PTPRT: variants seen among roughly 807,000 people sequenced by gnomAD.
PTPRT encodes the protein protein tyrosine phosphatase receptor type T.
Under a neutral mutation model 176.8 loss-of-function variants are expected in PTPRT, and 56 were observed. The observed-to-expected ratio is 0.32, with a 90% confidence interval of 0.26 to 0.40. The LOEUF (loss-of-function observed/expected upper bound fraction) is 0.40, where lower values mean the gene tolerates loss of function less well. Among genes scored for constraint, PTPRT ranks in the 10% least tolerant of loss-of-function variants. The pLI is 1.00. For missense variants in PTPRT, 1,540 were observed against 1,908.2 expected (o/e 0.81, Z 3.60); for synonymous variants, 783 against 739.0 (o/e 1.06, Z -0.96).
At chr20:42,583,516 G>A (rs1373555722) in intron 7 of PTPRT, among the ~76,000 whole-genome samples, 1 of 152,112 alleles carries the variant, frequency 6.6e-6, no homozygotes, top group Non-Finnish European at 1.5e-5. Context: ...ACCTTCCACT[G>A]TCATGGCTGA....
intron 9 of PTPRT, among the ~76,000 whole-genome samples, chr20:42,445,800 C>T (rs1047756059): frequency 1.4e-4 from 21 of 152,272 alleles, no homozygotes; most frequent in African/African-American, 4.6e-4. Context: ...TCTGAAAATC[C>T]ACAAGGCATC....
At chr20:42,097,367 C>T (rs965240523) in intron 27 of PTPRT, among the ~76,000 whole-genome samples, 1 of 152,230 alleles carries the variant, frequency 6.6e-6, no homozygotes, top group African/African-American at 2.4e-5. Flanking sequence ...CCTGCCTCGC[C>T]TTTGCCTCTG....
At chr20:42,628,124 T>G (rs2074330249) in intron 7 of PTPRT, among the ~76,000 whole-genome samples, 1 of 151,900 alleles carries the variant, frequency 6.6e-6, no homozygotes, top group Admixed American at 6.6e-5. Context: ...CAAATGGGAG[T>G]GCAGTGGAGT....
chr20:42,376,925 G>C (rs2058656018), intron 9 of PTPRT, among the ~76,000 whole-genome samples: 1 of 152,112 alleles, frequency 6.6e-6, no homozygotes, highest in Admixed American at 6.5e-5. Context: ...TGCCAGCTGT[G>C]GAATTAAACC....
At chr20:42,395,982 G>A (rs917943691) in intron 9 of PTPRT, among the ~76,000 whole-genome samples, 33 of 152,006 alleles carry the variant, frequency 2.2e-4, no homozygotes, top group African/African-American at 6.8e-4. Flanking sequence ...TGCAAAGCTC[G>A]TGCATAGGCT....
chr20:42,950,227 C>T (rs1981154774), intron 1 of PTPRT, among the ~76,000 whole-genome samples: 1 of 152,200 alleles, frequency 6.6e-6, no homozygotes. Context: ...CTCCCCACGC[C>T]TTCTCACAGA....
intron 16 of PTPRT, among the ~76,000 whole-genome samples, chr20:42,184,518 C>CCTCCTTCTTCTTCTT (rs1555797922): frequency 2.0e-3 from 111 of 54,482 alleles, no homozygotes; most frequent in Non-Finnish European, 3.0e-3. Context: ...TCCTCCTCCT[C>CCTCCTTCTTCTTCTT]CTTCTTCTTC....
intron 7 of PTPRT, among the ~76,000 whole-genome samples, chr20:42,559,750 C>G (rs2072919629): frequency 6.6e-6 from 1 of 152,204 alleles, no homozygotes; most frequent in Non-Finnish European, 1.5e-5. Flanking sequence ...GCTGAAATAA[C>G]CATAATGCAA....
chr20:42,662,550 CATT>C (rs2146006443), intron 7 of PTPRT, among the ~76,000 whole-genome samples: 1 of 152,238 alleles, frequency 6.6e-6, no homozygotes, highest in Non-Finnish European at 1.5e-5. Context: ...TATTAGCCAT[CATT>C]AATATTAATG....
intron 6 of PTPRT, among the ~76,000 whole-genome samples, chr20:42,686,477 TTTTTTTTTTTTTTTTTTTTTTTTTG>T (rs2075694978): frequency 2.4e-5 from 1 of 41,544 alleles, no homozygotes; most frequent in African/African-American, 1.0e-4. Context: ...TTTTTTTTTT[TTTTTTTTTTTTTTTTTTTTTTTTTG>T]AGACAGAGTC....
intron 11 of PTPRT, among the ~76,000 whole-genome samples, chr20:42,332,311 G>A (rs6102781): frequency 0.34 from 52,102 of 151,736 alleles, 10,203 homozygotes; most frequent in African/African-American, 0.55. Context: ...CTGGGTTCAC[G>A]CCATTCTCCT....
At chr20:42,278,630 C>T (rs1201786460) in intron 13 of PTPRT, among the ~76,000 whole-genome samples, 1 of 152,096 alleles carries the variant, frequency 6.6e-6, no homozygotes, top group Non-Finnish European at 1.5e-5. Flanking sequence ...CAAAGGGGGA[C>T]TGAACAATAT....
chr20:42,497,723 G>A (rs2071680410), intron 7 of PTPRT, among the ~76,000 whole-genome samples: 1 of 152,038 alleles, frequency 6.6e-6, no homozygotes, highest in South Asian at 2.1e-4. Context: ...TTACTCCAAT[G>A]ATATTAGAGT....
intron 7 of PTPRT, among the ~76,000 whole-genome samples, chr20:42,653,975 A>C (rs1447145247): frequency 6.6e-6 from 1 of 152,174 alleles, no homozygotes; most frequent in Non-Finnish European, 1.5e-5. Flanking sequence ...AGGCCGTAAA[A>C]CATTTCCATA....
intron 7 of PTPRT, among the ~76,000 whole-genome samples, chr20:42,647,972 C>A (rs1167390481): frequency 6.6e-6 from 1 of 152,034 alleles, no homozygotes; most frequent in Non-Finnish European, 1.5e-5. Context: ...CTCGTCCCTA[C>A]TCAAGATGGC....
At chr20:43,001,886 AC>A (rs530130558) in intron 1 of PTPRT, among the ~76,000 whole-genome samples, 3 of 134,084 alleles carry the variant, frequency 2.2e-5, no homozygotes, top group Admixed American at 2.2e-4. Context: ...AAACAAAAAA[AC>A]AAACAAAAAA....
At chr20:42,882,593 C>A (rs573584687) in intron 2 of PTPRT, among the ~76,000 whole-genome samples, 1 of 152,282 alleles carries the variant, frequency 6.6e-6, no homozygotes, top group African/African-American at 2.4e-5. Flanking sequence ...TTTTTTCATT[C>A]ATTCCTGTAT....
intron 12 of PTPRT, among the ~76,000 whole-genome samples, chr20:42,284,385 A>C (rs1002872281): frequency 1.1e-4 from 16 of 151,986 alleles, no homozygotes; most frequent in African/African-American, 3.6e-4. Flanking sequence ...CATATTTACC[A>C]CTACAATTTC....
At chr20:42,206,295 A>G (rs536735132) in intron 15 of PTPRT, among the ~76,000 whole-genome samples, 2 of 152,240 alleles carry the variant, frequency 1.3e-5, no homozygotes, top group Non-Finnish European at 2.9e-5. Flanking sequence ...ATGGCCGAAT[A>G]GGAACAGCTC....
Sources: gnomAD v4.1 joint callset for allele counts (sites outside exome capture counted in the v4.1 genomes callset) on GRCh38, gnomAD v4.1.1 for gene constraint, MANE v1.5 for transcripts, NCBI Gene and HGNC (gene_info 2026-07-23, HGNC 2026-07-21) for gene names.